TGIF2: variants seen among roughly 807,000 people sequenced by gnomAD.
The protein encoded by TGIF2 is TGFB induced factor homeobox 2.
TGIF2 carries 5 observed loss-of-function variants against 15.1 expected under a neutral mutation model. The observed-to-expected ratio is 0.33, with a 90% CI of 0.17 to 0.70. The LOEUF (loss-of-function observed/expected upper bound fraction) is 0.70, where lower values mean the gene tolerates loss of function less well. Ranked by LOEUF, TGIF2 falls within the 30% of genes least tolerant of loss-of-function variation. TGIF2 has a pLI of 0.67. For synonymous variants in TGIF2, 131 were observed against 128.9 expected (o/e 1.02, Z -0.11); for missense variants, 264 against 302.5 (o/e 0.87, Z 0.94).
In TGIF2 at chr20:36,591,702, T is replaced by G. The variant is rs1156981617; in HGVS notation, c.*271T>G. The G allele has an allele frequency of 8.8e-6, 3 of 340,348 alleles. No individual in the cohort carries two copies. The highest frequency in any genetic ancestry group is 1.6e-5 in the Non-Finnish European group (3 of 185,240). The allele number at this position is 340,348 out of a possible 1,614,324, so 21.1% of individuals were successfully genotyped here. On this transcript the variant is annotated 3_prime_UTR_variant, in exon 3 of 3. Coordinates refer to ENST00000373872, the MANE Select transcript of TGIF2 (RefSeq NM_021809.7). This position sits in a 1 kb window ranked among gnomAD's most constrained non-coding sequence, Gnocchi z 5.3. ...GCATGGTGCTGCTGCTTCTGCTGCT[T>G]CTCCAGAAAATCCCTGGGACACCTT...
intron 2 of TGIF2, among the ~76,000 whole-genome samples, chr20:36,582,557 C>T (rs542310434): frequency 6.6e-6 from 1 of 152,184 alleles, no homozygotes; most frequent in South Asian, 2.1e-4. Flanking sequence ...TCTTAGGCCC[C>T]GATGCTCCTA....
chr20:36,579,259 C>A (rs2038496160), intron 2 of TGIF2, among the ~76,000 whole-genome samples: 1 of 152,162 alleles, frequency 6.6e-6, no homozygotes, highest in Non-Finnish European at 1.5e-5. Flanking sequence ...GCAACCTCCG[C>A]CTCCCGGGTT....
At chr20:36,575,385 C>T (rs540426495) in intron 1 of TGIF2, among the ~76,000 whole-genome samples, 14 of 151,848 alleles carry the variant, frequency 9.2e-5, no homozygotes, top group African/African-American at 3.1e-4. Context: ...AGGGCCCACC[C>T]GGGGAACCCT....
In TGIF2 at chr20:36,590,933, C is replaced by CCGG; in HGVS notation, c.224_226dup (p.Arg75dup). 1 of 1,517,204 alleles carries CCGG rather than the reference C, an allele frequency of 6.6e-7. No homozygotes were observed. The highest frequency in any genetic ancestry group is 8.8e-7 in the Non-Finnish European group (1 of 1,130,944). The allele number at this position is 1,517,204 out of a possible 1,614,324, so 94.0% of individuals were successfully genotyped here. On this transcript the variant is annotated inframe_insertion, in exon 3 of 3. Coordinates refer to ENST00000373872, the MANE Select transcript of TGIF2 (RefSeq NM_021809.7). ...AGATATGTAACTGGTTCATCAATGCCCGGCGGCGGCTTCTCCCAGACATGC... is the reference window on the plus strand; with the variant it reads ...AGATATGTAACTGGTTCATCAATGCCCGGCGGCGGCGGCTTCTCCCAGACATGC...
At position 36,591,102 on chromosome 20, in the gene TGIF2, G is replaced by T; in HGVS notation, c.385G>T (p.Val129Leu). 6.2e-7 allele frequency: 1 copy of T among 1,606,944 alleles called. No homozygotes were observed. Among genetic ancestry groups the T allele is most frequent in the Non-Finnish European group, 8.5e-7 (1 of 1,174,448 alleles). Reference sequence around the variant, plus strand: ...CCCCACCAATGTGCTCTCCCTGTCTGTGTGCTCCATGCCGCTTCACTCAGG... The same window carrying T: ...CCCCACCAATGTGCTCTCCCTGTCTTTGTGCTCCATGCCGCTTCACTCAGG... ...PAPTNVLSLS[V>L]CSMPLHSGQG... Residue 129 changes from valine to leucine, a missense_variant, in exon 3 of 3, where the codon GTG becomes TTG. Transcript: ENST00000373872. The surrounding 1 kb of genome is among the most constrained non-coding windows in gnomAD (Gnocchi z 5.3).
chr20:36,574,479 C>T (rs1254379722), intron 1 of TGIF2: 1 of 151,214 alleles, frequency 6.6e-6, no homozygotes, highest in African/African-American at 2.4e-5. Context: ...GCCCAGCCCC[C>T]TCCCCTCCCT....
intron 2 of TGIF2, among the ~76,000 whole-genome samples, chr20:36,586,693 TCC>T (rs5841237): frequency 8.2e-6 from 1 of 121,842 alleles, no homozygotes; most frequent in Non-Finnish European, 1.7e-5. Flanking sequence ...AGACTCCATT[TCC>T]CCCCCCCCAA....
chr20:36,578,596 T>C, intron 1 of TGIF2, 145 bp from the exon 2 acceptor site: 1 of 884,616 alleles, frequency 1.1e-6, no homozygotes, highest in Non-Finnish European at 1.6e-6. Flanking sequence ...TCTAGCTTGC[T>C]CGGTCTGTGT....
chr20:36,586,167 T>G (rs1032289381), intron 2 of TGIF2, among the ~76,000 whole-genome samples: 2 of 152,172 alleles, frequency 1.3e-5, no homozygotes, highest in African/African-American at 4.8e-5. Context: ...CTTCTATTTT[T>G]CCCCATCTCA....
At chr20:36,580,065 G>A (rs1361284047) in intron 2 of TGIF2, among the ~76,000 whole-genome samples, 2 of 152,076 alleles carry the variant, frequency 1.3e-5, no homozygotes, top group Non-Finnish European at 2.9e-5. Context: ...AAGAGGCCCA[G>A]CCCTGCCCTG....
intron 2 of TGIF2, among the ~76,000 whole-genome samples, chr20:36,579,193 A>G (rs751000463): frequency 1.3e-5 from 2 of 151,838 alleles, no homozygotes; most frequent in East Asian, 3.9e-4. Flanking sequence ...TTTTTTTGAG[A>G]CGGAGTCTTG....
At position 36,591,041 on chromosome 20, in the gene TGIF2, C is replaced by T. The variant is rs200072791; in HGVS notation, c.324C>T (p.Gly108=). The T allele has an allele frequency of 1.0e-5, 16 of 1,601,424 alleles. No individual in the cohort carries two copies. The East Asian group carries it at 3.4e-4, about 34-fold the overall frequency. ...CCTCAGATGTGGCCCTCCCCCGTGGCAGCAGCCCCTCAGTGCTGGCTGTGT... is the reference window on the plus strand; with the variant it reads ...CCTCAGATGTGGCCCTCCCCCGTGGTAGCAGCCCCTCAGTGCTGGCTGTGT... ...GKASDVALPR[G]SSPSVLAVSV... The change falls in exon 3 of 3, where the codon GGC becomes GGT. Residue 108 remains glycine (G), a synonymous_variant. Transcript: ENST00000373872. This position sits in a 1 kb window ranked among gnomAD's most constrained non-coding sequence, Gnocchi z 5.3.
chr20:36,585,050 A>T (rs1181076817), intron 2 of TGIF2, among the ~76,000 whole-genome samples: 2 of 152,062 alleles, frequency 1.3e-5, no homozygotes, highest in Non-Finnish European at 2.9e-5. Flanking sequence ...ATAGACAATT[A>T]GCTGGGCATG....
At chr20:36,588,404 C>T (rs1234276097) in intron 2 of TGIF2, among the ~76,000 whole-genome samples, 1 of 112,690 alleles carries the variant, frequency 8.9e-6, no homozygotes, top group East Asian at 3.0e-4. Flanking sequence ...CTTGCTTTGT[C>T]GCGCAGGCTG....
rs1182608559 is a variant in TGIF2 at position 36,591,151 on chromosome 20, C to G, written c.434C>G (p.Pro145Arg). 1 of 1,614,106 alleles carries G rather than the reference C, an allele frequency of 6.2e-7. No homozygotes were observed. The highest frequency in any genetic ancestry group is 2.2e-5 in the East Asian group (1 of 44,878). Residue 145 changes from proline to arginine, a missense_variant, in exon 3 of 3, where the codon CCT becomes CGT. By Grantham distance (103) the Pro-to-Arg change is moderately radical. Coordinates refer to ENST00000373872, the MANE Select transcript of TGIF2 (RefSeq NM_021809.7). The surrounding 1 kb of genome is among the most constrained non-coding windows in gnomAD (Gnocchi z 5.3). Reference protein sequence around the residue: ...HSGQGEKPAAPFPRGELESPK... With the variant: ...HSGQGEKPAARFPRGELESPK... ...GGCCAGGGGGAAAAGCCAGCAGCCC[C>G]TTTCCCACGTGGGGAGCTGGAGTCT...
chr20:36,574,446 G>GA (rs534030080), intron 1 of TGIF2: 1 of 147,648 alleles, frequency 6.8e-6, no homozygotes, highest in Non-Finnish European at 1.5e-5. Flanking sequence ...GGCTGGGGGG[G>GA]GGGGGGCGGC....
intron 1 of TGIF2, among the ~76,000 whole-genome samples, chr20:36,576,524 AAGAGG>A (rs1048469165): frequency 1.3e-5 from 2 of 152,152 alleles, no homozygotes; most frequent in African/African-American, 4.8e-5. Flanking sequence ...TACAGCTCAC[AAGAGG>A]GGGTGGGGAG....
chr20:36,586,138 T>G (rs138888406), intron 2 of TGIF2, among the ~76,000 whole-genome samples: 3 of 152,332 alleles, frequency 2.0e-5, no homozygotes, highest in South Asian at 2.1e-4. Flanking sequence ...AGCTGCCCTC[T>G]GATTCCTCCC....
chr20:36,581,514 T>G (rs1024793894), intron 2 of TGIF2, among the ~76,000 whole-genome samples: 2 of 152,194 alleles, frequency 1.3e-5, no homozygotes, highest in African/African-American at 4.8e-5. Flanking sequence ...GCTGCTTATA[T>G]TCCCAGTGCA....
Sources: allele counts gnomAD v4.1 joint callset (sites outside exome capture counted in the v4.1 genomes callset), GRCh38; gene constraint gnomAD v4.1.1; non-coding constraint Gnocchi (gnomAD v3.1); transcripts MANE v1.5; gene names NCBI Gene and HGNC (gene_info 2026-07-23, HGNC 2026-07-21).